SLC24A2: variants seen among roughly 807,000 people sequenced by gnomAD.
SLC24A2 encodes solute carrier family 24 member 2.
SLC24A2 carries 36 observed loss-of-function variants against 62.0 expected under a neutral mutation model. The ratio of observed to expected loss-of-function variants is 0.58; its 90% CI spans 0.44 to 0.77. SLC24A2 has a LOEUF of 0.77. Among genes scored for constraint, SLC24A2 ranks in the 30% least tolerant of loss-of-function variants. SLC24A2 has a pLI of 0.00. For synonymous variants in SLC24A2, 358 were observed against 294.0 expected (o/e 1.22, Z -2.23); for missense variants, 846 against 817.9 (o/e 1.03, Z -0.42).
chr9:19,845,633 G>A, the SLC24A2 span, among the ~76,000 whole-genome samples: 1 of 152,054 alleles, frequency 6.6e-6, no homozygotes, highest in African/African-American at 2.4e-5. Context: ...TCTTCTGCTA[G>A]GTTTGGGGTA....
intron 8 of SLC24A2, among the ~76,000 whole-genome samples, chr9:19,544,755 C>A (rs760346613): frequency 1.3e-5 from 2 of 152,242 alleles, no homozygotes; most frequent in South Asian, 4.1e-4. Context: ...ATATTGGCCC[C>A]CACTCTCTTC....
chr9:20,050,526 G>T, the SLC24A2 span, among the ~76,000 whole-genome samples: 4 of 152,242 alleles, frequency 2.6e-5, no homozygotes, highest in Admixed American at 1.3e-4. Flanking sequence ...AAAGACAGAG[G>T]AATAGAGACC....
the SLC24A2 span, among the ~76,000 whole-genome samples, chr9:19,809,460 A>G: frequency 2.6e-5 from 4 of 152,230 alleles, no homozygotes; most frequent in African/African-American, 9.6e-5. Context: ...GTAGGCAGAT[A>G]GTGAGGGTAT....
intron 2 of SLC24A2, among the ~76,000 whole-genome samples, chr9:19,778,502 G>A (rs945355438): frequency 9.9e-5 from 15 of 152,162 alleles, no homozygotes; most frequent in Admixed American, 9.2e-4. Flanking sequence ...GGTAGGATGT[G>A]TCTATTTGAG....
At chr9:20,229,436 T>C in the SLC24A2 span, among the ~76,000 whole-genome samples, 1 of 152,190 alleles carries the variant, frequency 6.6e-6, no homozygotes, top group Admixed American at 6.5e-5. Context: ...AAACACCCAG[T>C]AGACAGTGTG....
chr9:19,854,267 A>AT, the SLC24A2 span, among the ~76,000 whole-genome samples: 2 of 151,532 alleles, frequency 1.3e-5, no homozygotes, highest in African/African-American at 4.8e-5. Flanking sequence ...GGATTTGTTG[A>AT]TTTTTTTTGA....
the SLC24A2 span, among the ~76,000 whole-genome samples, chr9:19,906,969 C>G: frequency 6.6e-6 from 1 of 152,212 alleles, no homozygotes; most frequent in Non-Finnish European, 1.5e-5. Context: ...CTCCCTAACT[C>G]ATTTTATGAG....
chr9:20,162,596 T>C, the SLC24A2 span, among the ~76,000 whole-genome samples: 35 of 151,908 alleles, frequency 2.3e-4, no homozygotes, highest in African/African-American at 1.7e-4. Flanking sequence ...TTCCAATCAA[T>C]AGAAAAAGAG....
chr9:20,010,781 C>T, the SLC24A2 span, among the ~76,000 whole-genome samples: 2 of 132,128 alleles, frequency 1.5e-5, no homozygotes, highest in African/African-American at 2.8e-5. Context: ...CATGACAGGC[C>T]CTGGTGTGTG....
the SLC24A2 span, among the ~76,000 whole-genome samples, chr9:19,919,292 TCA>T: frequency 6.6e-6 from 1 of 152,128 alleles, no homozygotes; most frequent in African/African-American, 2.4e-5. Flanking sequence ...ATGCCTTCTT[TCA>T]CACACAGTTA....
At chr9:20,071,095 C>T in the SLC24A2 span, among the ~76,000 whole-genome samples, 2 of 152,154 alleles carry the variant, frequency 1.3e-5, no homozygotes, top group Admixed American at 1.3e-4. Flanking sequence ...TATCTCACTC[C>T]CTCCTTGCCT....
At chr9:20,042,641 G>C in the SLC24A2 span, among the ~76,000 whole-genome samples, 1 of 152,170 alleles carries the variant, frequency 6.6e-6, no homozygotes, top group African/African-American at 2.4e-5. Flanking sequence ...AGAGAATGCA[G>C]GCATACCTCC....
chr9:20,274,283 A>C, the SLC24A2 span, among the ~76,000 whole-genome samples: 1 of 152,160 alleles, frequency 6.6e-6, no homozygotes, highest in South Asian at 2.1e-4. Context: ...GCTCTTCTAC[A>C]TAGAGTGATT....
At chr9:19,770,371 A>C (rs1029968954) in intron 2 of SLC24A2, among the ~76,000 whole-genome samples, 1 of 152,052 alleles carries the variant, frequency 6.6e-6, no homozygotes, top group African/African-American at 2.4e-5. Flanking sequence ...GTGCTTTATT[A>C]ATCTCTCAAG....
At chr9:20,014,894 T>A in the SLC24A2 span, among the ~76,000 whole-genome samples, 1 of 152,288 alleles carries the variant, frequency 6.6e-6, no homozygotes, top group South Asian at 2.1e-4. Flanking sequence ...TGTCTCACCA[T>A]AAGAAATGAT....
At chr9:19,982,372 C>G in the SLC24A2 span, among the ~76,000 whole-genome samples, 2 of 152,136 alleles carry the variant, frequency 1.3e-5, no homozygotes, top group Non-Finnish European at 2.9e-5. Context: ...AAGGCAAGCA[C>G]AGTCAGTTCA....
rs372514160 is a variant in SLC24A2 at position 19,786,882 on chromosome 9, G to A, written c.-16C>T. On this transcript the variant is annotated 5_prime_UTR_variant, in exon 2 of 11. Coordinates refer to ENST00000341998, the MANE Select transcript of SLC24A2 (RefSeq NM_020344.4). The surrounding 1 kb of genome is among the most constrained non-coding windows in gnomAD (Gnocchi z 5.0). ...GCAGATCCATCCTGGGTCTTCTGGT[G>A]GATATGGTGATCTTCCAACTTTAGA... 35 of 1,604,878 alleles carry A rather than the reference G, an allele frequency of 2.2e-5. No homozygotes were observed. Among genetic ancestry groups the A allele is most frequent in the Non-Finnish European group, 3.0e-5 (35 of 1,179,798 alleles).
chr9:20,144,776 G>A, the SLC24A2 span, among the ~76,000 whole-genome samples: 2 of 151,968 alleles, frequency 1.3e-5, no homozygotes, highest in Non-Finnish European at 1.5e-5. Flanking sequence ...GGTTTGCCTC[G>A]TTCGGTGCTA....
At chr9:20,307,197 CAAT>C in the SLC24A2 span, among the ~76,000 whole-genome samples, 6 of 152,042 alleles carry the variant, frequency 3.9e-5, no homozygotes, top group African/African-American at 7.2e-5. Context: ...CACAAAAAAA[CAAT>C]TATTATTAAA....
Sources: gnomAD v4.1 joint callset for allele counts (sites outside exome capture counted in the v4.1 genomes callset) on GRCh38, gnomAD v4.1.1 for gene constraint, Gnocchi (gnomAD v3.1) non-coding constraint, MANE v1.5 for transcripts, NCBI Gene and HGNC (gene_info 2026-07-23, HGNC 2026-07-21) for gene names.